The following UBE3B variants were observed in gnomAD, a reference collection of about 807,000 sequenced individuals.
The protein encoded by UBE3B is ubiquitin-protein ligase E3B.
In UBE3B, 80 loss-of-function variants were observed where a neutral mutation model predicts 132.3. That is an observed-to-expected ratio of 0.60 (90% CI 0.50 to 0.73). The LOEUF is 0.73. Ranked by LOEUF, UBE3B falls within the 30% of genes least tolerant of loss-of-function variation. The probability of loss-of-function intolerance (pLI) is 0.00; values close to 1 mark genes in which losing one functional copy is unlikely to be tolerated. For synonymous variants in UBE3B, 487 were observed against 520.4 expected (o/e 0.94, Z 0.87); for missense variants, 1,196 against 1,362.5 (o/e 0.88, Z 1.92).
intron 19 of UBE3B, chr12:109,519,560 G>T (rs1246267609): frequency 6.6e-6 from 1 of 152,230 alleles, no homozygotes; most frequent in Non-Finnish European, 1.5e-5. Flanking sequence ...TAATGCGTGT[G>T]AAGGCTGGGG....
At chr12:109,517,867 A>AT (rs1157599833) in intron 19 of UBE3B, 1 of 398,954 alleles carries the variant, frequency 2.5e-6, no homozygotes, top group Non-Finnish European at 5.3e-6. Context: ...ACGTGTCTTC[A>AT]TTTTCTCCCT....
At chr12:109,542,105 A>T in the UBE3B span, among the ~76,000 whole-genome samples, 1 of 152,206 alleles carries the variant, frequency 6.6e-6, no homozygotes, top group Non-Finnish European at 1.5e-5. Context: ...TCATGCCATG[A>T]ACCACCACAT....
the UBE3B span, among the ~76,000 whole-genome samples, chr12:109,545,199 G>A: frequency 6.6e-6 from 1 of 152,246 alleles, no homozygotes; most frequent in Non-Finnish European, 1.5e-5. Context: ...CACACCCCAT[G>A]TGGGGCTTGG....
Position 109,531,349 on chromosome 12 carries a change from C to T in UBE3B, c.2922+691C>T, listed in dbSNP as rs561108808. ...AGCAGTGTGTAAGTATTTCCTAGGA[C>T]GCTGAATGGCACACACGCTTCTCTG... On this transcript the variant is annotated intron_variant, in intron 26 of 27. Coordinates refer to ENST00000342494, the MANE Select transcript of UBE3B (RefSeq NM_130466.4). Among the ~76,000 whole-genome samples the T allele has an allele frequency of 2.0e-4, 30 of 152,298 alleles. No individual in the cohort carries two copies. The South Asian group carries it at 5.0e-3, about 25-fold the overall frequency.
chr12:109,545,451 C>T, the UBE3B span, among the ~76,000 whole-genome samples: 3 of 152,216 alleles, frequency 2.0e-5, no homozygotes, highest in African/African-American at 4.8e-5. Context: ...GGTGTATGGC[C>T]ACATCCTGTG....
chr12:109,544,571 C>T, the UBE3B span, among the ~76,000 whole-genome samples: 3 of 152,174 alleles, frequency 2.0e-5, no homozygotes, highest in African/African-American at 7.2e-5. Flanking sequence ...GGCCCTCAGC[C>T]TCTGCATCTC....
chr12:109,526,281 T>C, intron 23 of UBE3B, 77 bp from the exon 24 acceptor site: 1 of 1,386,738 alleles, frequency 7.2e-7, no homozygotes, highest in Non-Finnish European at 1.0e-6. Flanking sequence ...ATGTTTGTGC[T>C]GGGCCCTCTC....
chr12:109,532,719 AG>A (rs920259130), intron 26 of UBE3B, among the ~76,000 whole-genome samples: 1 of 152,226 alleles, frequency 6.6e-6, no homozygotes, highest in African/African-American at 2.4e-5. Context: ...GGGAGTTCCC[AG>A]GGGGTAGCAG....
chr12:109,515,107 G>A (rs1322104580), intron 18 of UBE3B, among the ~76,000 whole-genome samples: 1 of 151,198 alleles, frequency 6.6e-6, no homozygotes, highest in Non-Finnish European at 1.5e-5. Flanking sequence ...TGGAGACGGG[G>A]TTTCACCGTG....
chr12:109,490,756 T>C, intron 8 of UBE3B: 1 of 1,388,470 alleles, frequency 7.2e-7, no homozygotes, highest in Non-Finnish European at 9.3e-7. Context: ...TTAACCTCGT[T>C]ACCCAATACT....
chr12:109,499,548 C>T (rs1161450760), intron 11 of UBE3B, 85 bp from the exon 12 acceptor site: 4 of 1,307,762 alleles, frequency 3.1e-6, no homozygotes, highest in Admixed American at 3.3e-5. Context: ...GGGATGTGGC[C>T]GCCTGAGCCA....
chr12:109,519,532 AACCAC>A, intron 19 of UBE3B: 1 of 152,332 alleles, frequency 6.6e-6, no homozygotes, highest in East Asian at 1.9e-4. Flanking sequence ...TCATCCACAT[AACCAC>A]AAACGCATCT....
chr12:109,534,444 C>T lies in UBE3B; in HGVS notation c.3016-147C>T, dbSNP rs1210689426. 11 of 1,429,996 alleles carry T rather than the reference C, an allele frequency of 7.7e-6. No individual in the cohort carries two copies. Among genetic ancestry groups the T allele is most frequent in the African/African-American group, 2.9e-5 (2 of 68,796 alleles). The allele number at this position is 1,429,996 out of a possible 1,614,324, so 88.6% of individuals were successfully genotyped here. A position where few individuals can be genotyped will look rare whatever the true frequency, so the allele number is the denominator to read the frequency against. ...TCGTCTTGTGTCTGGGGCTTGACCT[C>T]GGGTAGTGGTGCCAGGGCAGCGCCC... On this transcript the variant is annotated intron_variant, in intron 27 of 27. Coordinates refer to ENST00000342494, the MANE Select transcript of UBE3B (RefSeq NM_130466.4). This position sits in a 1 kb window ranked among gnomAD's most constrained non-coding sequence, Gnocchi z 5.2.
At chr12:109,503,430 A>G (rs1879249054) in intron 14 of UBE3B, among the ~76,000 whole-genome samples, 1 of 152,108 alleles carries the variant, frequency 6.6e-6, no homozygotes, top group African/African-American at 2.4e-5. Context: ...ATGAAGTAGA[A>G]TTTACTTTTA....
chr12:109,505,642 A>G (rs1358453957), intron 14 of UBE3B, among the ~76,000 whole-genome samples: 1 of 152,234 alleles, frequency 6.6e-6, no homozygotes, highest in Non-Finnish European at 1.5e-5. Context: ...ACAGATCAAG[A>G]AAGTCTTGCT....
intron 24 of UBE3B, among the ~76,000 whole-genome samples, chr12:109,526,866 G>A (rs1386096525): frequency 2.9e-5 from 3 of 103,882 alleles, no homozygotes; most frequent in Admixed American, 1.8e-4. Flanking sequence ...GTGAGACTCC[G>A]TCTCAAAAAA....
the UBE3B span, among the ~76,000 whole-genome samples, chr12:109,545,069 A>G: frequency 4.8e-5 from 7 of 145,778 alleles, no homozygotes; most frequent in Non-Finnish European, 1.1e-4. Context: ...TCACTCACTC[A>G]CTTGCCTTCC....
At chr12:109,507,431 A>T in intron 14 of UBE3B, 133 bp from the exon 15 acceptor site, 1 of 981,018 alleles carries the variant, frequency 1.0e-6, no homozygotes. Context: ...TTTCTCCATA[A>T]TCCCACCTTC....
At chr12:109,488,454 T>G (rs1876878324) in intron 6 of UBE3B, 118 bp from the exon 7 acceptor site, 6 of 914,972 alleles carry the variant, frequency 6.6e-6, no homozygotes, top group Non-Finnish European at 1.1e-5. Flanking sequence ...AAGACTGACT[T>G]ATAATCCTGA....
Sources: allele counts gnomAD v4.1 joint callset (sites outside exome capture counted in the v4.1 genomes callset), GRCh38; gene constraint gnomAD v4.1.1; non-coding constraint Gnocchi (gnomAD v3.1); transcripts MANE v1.5; gene names NCBI Gene and HGNC (gene_info 2026-07-23, HGNC 2026-07-21).